Variants in SPIDR observed in about 807,000 individuals in gnomAD.
SPIDR encodes the protein scaffold protein involved in DNA repair.
Under a neutral mutation model 104.6 loss-of-function variants are expected in SPIDR, and 93 were observed. That is an observed-to-expected ratio of 0.89 (90% CI 0.75 to 1.06). The LOEUF is 1.06. Ranked by LOEUF, SPIDR falls within the 50% of genes least tolerant of loss-of-function variation. SPIDR has a pLI of 0.00. For missense variants in SPIDR, 1,154 were observed against 1,111.2 expected, an observed-to-expected ratio of 1.04 and a Z score of -0.55; for synonymous variants, 431 against 416.9, an observed-to-expected ratio of 1.03 and a Z score of -0.41.
chr8:47,337,048 A>G (rs1271225502), intron 5 of SPIDR, among the ~76,000 whole-genome samples: 2 of 152,116 alleles, frequency 1.3e-5, no homozygotes, highest in East Asian at 1.9e-4. Context: ...CTTATTGGCC[A>G]TTTGTATATG....
chr8:47,510,122 T>C (rs1304809036), intron 8 of SPIDR, among the ~76,000 whole-genome samples: 1 of 152,228 alleles, frequency 6.6e-6, no homozygotes, highest in Non-Finnish European at 1.5e-5. Context: ...TTACTTGCAA[T>C]GTGGGGGTTT....
At chr8:47,614,526 T>G (rs908756439) in intron 10 of SPIDR, among the ~76,000 whole-genome samples, 1 of 152,242 alleles carries the variant, frequency 6.6e-6, no homozygotes, top group Non-Finnish European at 1.5e-5. Context: ...CCAGCCGATC[T>G]TGTTCCTTTT....
At chr8:47,361,796 G>C (rs1305449175) in intron 5 of SPIDR, among the ~76,000 whole-genome samples, 1 of 152,188 alleles carries the variant, frequency 6.6e-6, no homozygotes, top group Non-Finnish European at 1.5e-5. Flanking sequence ...GGCAGGCAAG[G>C]ACAGGAGCAC....
At chr8:47,337,589 T>C (rs1194818274) in intron 5 of SPIDR, among the ~76,000 whole-genome samples, 1 of 152,040 alleles carries the variant, frequency 6.6e-6, no homozygotes, top group Non-Finnish European at 1.5e-5. Context: ...AAAGTTTTTG[T>C]TTTTAGTATG....
intron 8 of SPIDR, among the ~76,000 whole-genome samples, chr8:47,562,036 T>C (rs1055049444): frequency 1.3e-5 from 2 of 152,254 alleles, no homozygotes; most frequent in Non-Finnish European, 2.9e-5. Context: ...TCACTTCTTT[T>C]ATAACCAGAA....
At position 47,551,232 on chromosome 8, in the gene SPIDR, C is replaced by CT. The variant is rs780931959; in HGVS notation, c.1098-44573dup. On this transcript the variant is annotated intron_variant, in intron 8 of 19. Coordinates refer to ENST00000297423, the MANE Select transcript of SPIDR (RefSeq NM_001080394.4). The stretch of plus-strand genomic sequence containing the variant: ...TCAGGGATATTGGTCTAAAATTCTC[C>CT]TTTTTTGTTGTGTCTCTGCCAGGCT... Among the ~76,000 whole-genome samples, 32 of 152,060 alleles carry CT rather than the reference C, an allele frequency of 2.1e-4. No individual in the cohort carries two copies. The East Asian group carries it at 2.7e-3, about 13-fold the overall frequency.
At chr8:47,549,695 T>C (rs1426978203) in intron 8 of SPIDR, among the ~76,000 whole-genome samples, 1 of 152,200 alleles carries the variant, frequency 6.6e-6, no homozygotes, top group Non-Finnish European at 1.5e-5. Context: ...ATTGCAAAAA[T>C]GTTCTCCTAT....
chr8:47,709,185 C>G (rs6473661), intron 14 of SPIDR, among the ~76,000 whole-genome samples: 152,304 of 152,304 alleles, frequency 1, 76,152 homozygotes, highest in Non-Finnish European at 1. Context: ...CTGTCGCCCA[C>G]GCTGGAGTGC....
At chr8:47,636,007 T>C (rs1045081574) in intron 10 of SPIDR, among the ~76,000 whole-genome samples, 5 of 152,264 alleles carry the variant, frequency 3.3e-5, no homozygotes, top group Admixed American at 3.3e-4. Flanking sequence ...TGCTTCACTT[T>C]ACTGCACTTT....
intron 5 of SPIDR, among the ~76,000 whole-genome samples, chr8:47,331,461 G>A (rs1333410899): frequency 1.3e-5 from 2 of 152,086 alleles, no homozygotes; most frequent in Admixed American, 1.3e-4. Context: ...GAACACAAAG[G>A]TAGTTATTTA....
chr8:47,493,718 G>T (rs78068286), intron 8 of SPIDR, among the ~76,000 whole-genome samples: 6,122 of 152,138 alleles, frequency 0.04, 398 homozygotes, highest in African/African-American at 0.14. Flanking sequence ...ACTTGAAAAT[G>T]TTCCATCTAG....
chr8:47,260,921 C>G, upstream of SPIDR: 1 of 1,221,264 alleles, frequency 8.2e-7, no homozygotes, highest in Admixed American at 4.3e-5. Context: ...GACGGCGGCG[C>G]GCTGAGGAGG....
chr8:47,725,140 T>C (rs555118661), intron 16 of SPIDR, among the ~76,000 whole-genome samples: 1 of 152,298 alleles, frequency 6.6e-6, no homozygotes, highest in East Asian at 1.9e-4. Context: ...ACTGAAGAAA[T>C]GTGTGCACCA....
At chr8:47,431,451 C>T (rs890031713) in intron 7 of SPIDR, among the ~76,000 whole-genome samples, 1 of 152,172 alleles carries the variant, frequency 6.6e-6, no homozygotes, top group East Asian at 1.9e-4. Flanking sequence ...TTTATTCTCA[C>T]GTGGAATTTC....
intron 8 of SPIDR, among the ~76,000 whole-genome samples, chr8:47,491,850 TAAAAA>T (rs1159695494): frequency 6.6e-6 from 1 of 151,836 alleles, no homozygotes; most frequent in African/African-American, 2.4e-5. Context: ...CCCTGTCTCT[TAAAAA>T]AAAGAAAAAG....
intron 10 of SPIDR, among the ~76,000 whole-genome samples, chr8:47,621,878 T>C (rs973201785): frequency 6.6e-6 from 1 of 152,078 alleles, no homozygotes; most frequent in Non-Finnish European, 1.5e-5. Context: ...GGCGGGAGAA[T>C]TGCTTGAACC....
chr8:47,328,000 GT>G (rs144077967), intron 5 of SPIDR, among the ~76,000 whole-genome samples: 174 of 139,158 alleles, frequency 1.3e-3, no homozygotes, highest in Non-Finnish European at 1.7e-3. Context: ...CCCTGGCCGT[GT>G]TTTTTTTTTG....
At chr8:47,340,854 A>G (rs2050624172) in intron 5 of SPIDR, among the ~76,000 whole-genome samples, 1 of 152,148 alleles carries the variant, frequency 6.6e-6, no homozygotes, top group African/African-American at 2.4e-5. Context: ...GTGTCTGGAG[A>G]CTGATGCATC....
intron 10 of SPIDR, among the ~76,000 whole-genome samples, chr8:47,664,537 A>C (rs955032282): frequency 3.3e-5 from 5 of 152,176 alleles, no homozygotes; most frequent in Non-Finnish European, 7.3e-5. Flanking sequence ...AAAGAACAAC[A>C]ACCAAAGTGA....
Sources: gnomAD v4.1 joint callset for allele counts (sites outside exome capture counted in the v4.1 genomes callset) on GRCh38, gnomAD v4.1.1 for gene constraint, MANE v1.5 for transcripts, NCBI Gene and HGNC (gene_info 2026-07-23, HGNC 2026-07-21) for gene names.